Variants in FAM193A observed in about 807,000 individuals in gnomAD.
FAM193A encodes family with sequence similarity 193 member A, also known as protein FAM193A.
FAM193A carries 22 observed loss-of-function variants against 126.5 expected under a neutral mutation model. The ratio of observed to expected loss-of-function variants is 0.17; its 90% CI spans 0.12 to 0.25. The LOEUF is 0.25. FAM193A is among the 10% of genes least tolerant of loss of function. FAM193A has a pLI of 1.00. For synonymous variants in FAM193A, 761 were observed against 646.8 expected (o/e 1.18, Z -2.68); for missense variants, 1,675 against 1,672.8 (o/e 1.00, Z -0.02).
rs555374950 is a variant in FAM193A, at chr4:2,626,478, C to T, written c.704C>T (p.Thr235Met). Residue 235 changes from threonine to methionine, a missense_variant, in exon 4 of 21, where the codon ACG becomes ATG. By Grantham distance (81) the Thr-to-Met change is moderately conservative (BLOSUM62 -1). This residue lies in a region of FAM193A where 1,186 missense variants were observed against 1,109.2 expected (regional missense o/e 1.07). Coordinates refer to ENST00000637812, the MANE Select transcript of FAM193A (RefSeq NM_001366318.2). Reference sequence around the variant, plus strand: ...AACTACTGGTCAGAAGTGCGCTACACGGTGCGCTGCATCTACCGCCAGGCA... The same window carrying T: ...AACTACTGGTCAGAAGTGCGCTACATGGTGCGCTGCATCTACCGCCAGGCA... ...LQNYWSEVRY[T>M]VRCIYRQAGT... is the part of the protein sequence containing the mutation. The T allele has an allele frequency of 9.5e-5, 67 of 702,630 alleles. No individual in the cohort carries two copies. Among genetic ancestry groups the T allele is most frequent in the African/African-American group, 2.4e-4 (14 of 57,350 alleles). The allele number at this position is 702,630 out of a possible 1,614,324, so 43.5% of individuals were successfully genotyped here.
rs746750683 is a variant in FAM193A, at chr4:2,590,486, CAAAA to C, written c.256-5592_256-5589del. Among the ~76,000 whole-genome samples, 13 of 38,008 alleles carry C rather than the reference CAAAA, an allele frequency of 3.4e-4. 4 individuals carry two copies. Among genetic ancestry groups the C allele is most frequent in the East Asian group, 1.5e-3 (2 of 1,300 alleles). The allele number at this position is 38,008 out of a possible 152,430, so 24.9% of individuals were successfully genotyped here. A position where few individuals can be genotyped will look rare whatever the true frequency, so the allele number is the denominator to read the frequency against. On this transcript the variant is annotated intron_variant, in intron 1 of 20. Transcript: ENST00000637812. ...CTCAAAAAAAAAAAACAAAAAAAAACAAAAAAAAACAAAAAAAAACAAAAAAAAA... is the reference window on the plus strand; with the variant it reads ...CTCAAAAAAAAAAAACAAAAAAAAACAAAAACAAAAAAAAACAAAAAAAAA...
At chr4:2,728,896 C>T (rs56054656) in intron 20 of FAM193A, among the ~76,000 whole-genome samples, 41,719 of 97,368 alleles carry the variant, frequency 0.43, 8,899 homozygotes, top group Admixed American at 0.6. Flanking sequence ...ACCTCCAAAA[C>T]TTTTTTTTTT....
chr4:2,722,061 G>A (rs1720225818), intron 20 of FAM193A, among the ~76,000 whole-genome samples: 1 of 152,180 alleles, frequency 6.6e-6, no homozygotes, highest in Non-Finnish European at 1.5e-5. Context: ...AAATTACCAA[G>A]AACTATGGTG....
At chr4:2,650,284 ACCACTGCTCTAGAGCACATCCCATGGCAC>A (rs1317314738) in intron 7 of FAM193A, among the ~76,000 whole-genome samples, 2 of 152,066 alleles carry the variant, frequency 1.3e-5, no homozygotes, top group Non-Finnish European at 2.9e-5. Flanking sequence ...AAGGTTGGGG[ACCACTGCTCTAGAGCACATCCCATGGCAC>A]CCACGCAGGG....
At chr4:2,555,518 A>G (rs1241215172) in intron 1 of FAM193A, among the ~76,000 whole-genome samples, 6 of 152,186 alleles carry the variant, frequency 3.9e-5, no homozygotes, top group African/African-American at 1.4e-4. Flanking sequence ...GTGGTTTACA[A>G]CCATAATCCT....
intron 19 of FAM193A, among the ~76,000 whole-genome samples, chr4:2,713,408 AAAC>A (rs1177962519): frequency 6.6e-6 from 1 of 152,182 alleles, no homozygotes; most frequent in Non-Finnish European, 1.5e-5. Context: ...CCTTATCAGA[AAAC>A]AAAAAAAAAT....
chr4:2,659,947 C>T lies in FAM193A; in HGVS notation c.1638C>T (p.Ser546=). The change falls in exon 10 of 21, where the codon AGC becomes AGT. Residue 546 remains serine, a synonymous_variant. Coordinates refer to ENST00000637812, the MANE Select transcript of FAM193A (RefSeq NM_001366318.2). ...CTCCTGACTATCTTGCTGAGAGGAG[C>T]CCGCCCAGTGTGTCATCTGCAAGCT... ...DPAPDYLAER[S]PPSVSSASSG... The T allele has an allele frequency of 3.1e-6, 5 of 1,614,200 alleles. No homozygotes were observed. Among genetic ancestry groups the T allele is most frequent in the Non-Finnish European group, 4.2e-6 (5 of 1,180,042 alleles).
intron 13 of FAM193A, among the ~76,000 whole-genome samples, chr4:2,684,155 C>T (rs1715461900): frequency 6.6e-6 from 1 of 152,176 alleles, no homozygotes; most frequent in South Asian, 2.1e-4. Flanking sequence ...TGCAACCATT[C>T]AGTTGTCTCT....
At chr4:2,550,747 T>C (rs1737867854) in intron 1 of FAM193A, among the ~76,000 whole-genome samples, 1 of 151,452 alleles carries the variant, frequency 6.6e-6, no homozygotes, top group African/African-American at 2.4e-5. Flanking sequence ...TTGTTTTTTT[T>C]GTTTTTGTTT....
At chr4:2,651,412 G>A (rs781077199) in intron 7 of FAM193A, among the ~76,000 whole-genome samples, 48 of 152,296 alleles carry the variant, frequency 3.2e-4, no homozygotes, top group Admixed American at 9.8e-4. Flanking sequence ...TCACAGTTCC[G>A]CATGGCTGGG....
chr4:2,727,198 G>C, intron 20 of FAM193A, among the ~76,000 whole-genome samples: 1 of 152,120 alleles, frequency 6.6e-6, no homozygotes, highest in East Asian at 1.9e-4. Context: ...GGCGGAGGTT[G>C]CAATGAGCCG....
intron 2 of FAM193A, among the ~76,000 whole-genome samples, chr4:2,619,038 A>G (rs1384498079): frequency 6.6e-6 from 1 of 151,964 alleles, no homozygotes; most frequent in African/African-American, 2.4e-5. Context: ...GGGCTGGATT[A>G]TTTTTATTGC....
intron 19 of FAM193A, among the ~76,000 whole-genome samples, chr4:2,711,540 A>G (rs1027774935): frequency 1.3e-5 from 2 of 150,630 alleles, no homozygotes; most frequent in East Asian, 4.1e-4. Flanking sequence ...GAGTTTCACC[A>G]TCTTGGCCAG....
chr4:2,714,931 G>A (rs1719383083), intron 19 of FAM193A, among the ~76,000 whole-genome samples: 1 of 151,790 alleles, frequency 6.6e-6, no homozygotes, highest in African/African-American at 2.4e-5. Context: ...CAGCCCAGAT[G>A]TGTGCTGCTG....
At chr4:2,729,968 C>T (rs1440798877) in intron 20 of FAM193A, among the ~76,000 whole-genome samples, 3 of 152,060 alleles carry the variant, frequency 2.0e-5, no homozygotes, top group African/African-American at 7.2e-5. Context: ...TGCGGGGGCA[C>T]CATCACAGCT....
intron 1 of FAM193A, among the ~76,000 whole-genome samples, chr4:2,541,873 C>G (rs1329451828): frequency 1.3e-5 from 2 of 152,014 alleles, no homozygotes; most frequent in Non-Finnish European, 2.9e-5. Flanking sequence ...CTCTGTCGCC[C>G]AGGCTGGAGT....
intron 18 of FAM193A, 79 bp downstream of exon 18, chr4:2,696,672 AG>A (rs1717076041): frequency 7.1e-6 from 8 of 1,123,002 alleles, no homozygotes; most frequent in Non-Finnish European, 9.2e-6. Context: ...GTCTCTAGGC[AG>A]GGCTGAGCCA....
In FAM193A at chr4:2,641,222, T is replaced by C. The variant is rs547786851; in HGVS notation, c.1163+1363T>C. ...CCACCACGCCTGGCTAATTTTTGTATTTTTAGTAGAGACGGGGTTTCACCA... is the reference window on the plus strand; with the variant it reads ...CCACCACGCCTGGCTAATTTTTGTACTTTTAGTAGAGACGGGGTTTCACCA... On this transcript the variant is annotated intron_variant, in intron 6 of 20. Coordinates refer to ENST00000637812, the MANE Select transcript of FAM193A (RefSeq NM_001366318.2). 7.9e-5 allele frequency among the ~76,000 whole-genome samples: 12 copies of C among 151,476 alleles called. No homozygotes were observed. In the East Asian group the frequency reaches 2.3e-3, roughly 29 times the overall value.
intron 20 of FAM193A, among the ~76,000 whole-genome samples, chr4:2,722,831 A>AT (rs1720306883): frequency 6.6e-6 from 1 of 152,184 alleles, no homozygotes; most frequent in Non-Finnish European, 1.5e-5. Context: ...TTAGAGACAA[A>AT]TAAGTAAGTA....
Sources: gnomAD v4.1 joint callset for allele counts (sites outside exome capture counted in the v4.1 genomes callset) on GRCh38, gnomAD v4.1.1 for gene constraint, gnomAD v4.1.1 regional missense constraint, MANE v1.5 for transcripts, NCBI Gene and HGNC (gene_info 2026-07-23, HGNC 2026-07-21) for gene names.